NOP9: variants seen among roughly 807,000 people sequenced by gnomAD.
NOP9 encodes nucleolar protein 9.
In NOP9, 50 loss-of-function variants were observed where a neutral mutation model predicts 63.0. That is an observed-to-expected ratio of 0.79 (90% confidence interval 0.63 to 1.00). NOP9 has a LOEUF of 1.00. NOP9 is among the 50% of genes least tolerant of loss of function. NOP9 has a pLI of 0.00. For synonymous variants in NOP9, 343 were observed against 332.8 expected (o/e 1.03, Z -0.33); for missense variants, 758 against 803.0 (o/e 0.94, Z 0.68).
chr14:24,281,194 C>T, the NOP9 span, among the ~76,000 whole-genome samples: 1 of 152,194 alleles, frequency 6.6e-6, no homozygotes, highest in Non-Finnish European at 1.5e-5. Flanking sequence ...CTCTCTTAGG[C>T]CCCTGAGCGG....
At position 24,299,872 on chromosome 14, in the gene NOP9, T is replaced by G. The variant is rs1594615060; in HGVS notation, c.-83T>G. 3.4e-6 allele frequency: 5 copies of G among 1,460,522 alleles called. No homozygotes were observed. The East Asian group carries it at 7.1e-5, about 21-fold the overall frequency. The allele number at this position is 1,460,522 out of a possible 1,614,324, so 90.5% of individuals were successfully genotyped here. ...CGCGCCCGCGTTTCTAAACTTTGTC[T>G]GGATAAGGCGCACGCTTGGCGACGT... is the stretch of plus-strand genomic sequence containing the variant. On this transcript the variant is annotated 5_prime_UTR_variant, in exon 1 of 10. Coordinates refer to ENST00000267425, the MANE Select transcript of NOP9 (RefSeq NM_174913.3).
Position 24,299,902 on chromosome 14 carries a change from G to A in NOP9, c.-53G>A. 1.3e-6 allele frequency: 2 copies of A among 1,502,128 alleles called. No homozygotes were observed. The highest frequency in any genetic ancestry group is 2.7e-5 in the South Asian group (2 of 74,148). The allele number at this position is 1,502,128 out of a possible 1,614,324, so 93.0% of individuals were successfully genotyped here. A position where few individuals can be genotyped will look rare whatever the true frequency, so the allele number is the denominator to read the frequency against. ...AAGGCGCACGCTTGGCGACGTCGAAGGTCCGTCCGCAGTTAAGGAAGCTTT... is the reference window on the plus strand; with the variant it reads ...AAGGCGCACGCTTGGCGACGTCGAAAGTCCGTCCGCAGTTAAGGAAGCTTT... On this transcript the variant is annotated 5_prime_UTR_variant, in exon 1 of 10. Transcript: ENST00000267425.
chr14:24,289,105 T>C, the NOP9 span, among the ~76,000 whole-genome samples: 2 of 151,762 alleles, frequency 1.3e-5, no homozygotes, highest in African/African-American at 4.8e-5. Flanking sequence ...GCCTCCCGAG[T>C]AGCTAGGACT....
chr14:24,299,783 G>C, upstream of NOP9: 6 of 793,072 alleles, frequency 7.6e-6, no homozygotes, highest in Admixed American at 3.1e-5. Context: ...AGCGATCTGG[G>C]TGACACACCC....
At chr14:24,303,617 G>C in intron 6 of NOP9, 115 bp from the exon 7 acceptor site, 2 of 1,058,368 alleles carry the variant, frequency 1.9e-6, no homozygotes, top group Non-Finnish European at 2.9e-6. Context: ...TGCTTTCATG[G>C]AGCTAACATT....
chr14:24,306,659 A>G lies in NOP9; in HGVS notation c.*1564A>G, dbSNP rs1172233325. Reference sequence around the variant, plus strand: ...ACTTTCCGGCACTTTGATACCTCCTAAAGGTTGCAGCTCTCCGTGTTCTTC... The same window carrying G: ...ACTTTCCGGCACTTTGATACCTCCTGAAGGTTGCAGCTCTCCGTGTTCTTC... On this transcript the variant is annotated 3_prime_UTR_variant, in exon 10 of 10. Coordinates refer to ENST00000267425, the MANE Select transcript of NOP9 (RefSeq NM_174913.3). 15 of 1,065,202 alleles carry G rather than the reference A, an allele frequency of 1.4e-5. No individual in the cohort carries two copies. Among genetic ancestry groups the G allele is most frequent in the Non-Finnish European group, 1.4e-5 (10 of 724,706 alleles). The allele number at this position is 1,065,202 out of a possible 1,614,324, so 66.0% of individuals were successfully genotyped here.
intron 8 of NOP9, 57 bp from the exon 9 acceptor site, chr14:24,304,436 T>C: frequency 6.8e-7 from 1 of 1,478,154 alleles, no homozygotes; most frequent in Non-Finnish European, 9.2e-7. Context: ...TCCACAAGCC[T>C]CCAAAATACT....
At chr14:24,272,753 ACT>A in the NOP9 span, among the ~76,000 whole-genome samples, 4 of 152,102 alleles carry the variant, frequency 2.6e-5, no homozygotes, top group African/African-American at 4.8e-5. Context: ...CCTGCCAAAA[ACT>A]CTTCATGACA....
At chr14:24,283,595 C>A in the NOP9 span, among the ~76,000 whole-genome samples, 1 of 152,176 alleles carries the variant, frequency 6.6e-6, no homozygotes, top group African/African-American at 2.4e-5. Context: ...CAGAGTGAGA[C>A]CCTGCCTCAA....
At chr14:24,285,983 CAAAAA>C in the NOP9 span, among the ~76,000 whole-genome samples, 98 of 150,144 alleles carry the variant, frequency 6.5e-4, no homozygotes, top group East Asian at 0.013. Context: ...GATAAACTGT[CAAAAA>C]AAAAAAAAAA....
At chr14:24,278,319 T>G in the NOP9 span, among the ~76,000 whole-genome samples, 1 of 152,094 alleles carries the variant, frequency 6.6e-6, no homozygotes, top group African/African-American at 2.4e-5. Flanking sequence ...TGGTGAACTG[T>G]GGGGGTGCTG....
At chr14:24,293,967 C>A in the NOP9 span, 2 of 152,164 alleles carry the variant, frequency 1.3e-5, no homozygotes, top group Non-Finnish European at 2.9e-5. Context: ...CAATGTATTA[C>A]GAAAGGAACC....
chr14:24,305,845 C>A lies in NOP9; in HGVS notation c.*750C>A. 6.3e-7 allele frequency: 1 copy of A among 1,589,394 alleles called. No individual in the cohort carries two copies. Among genetic ancestry groups the A allele is most frequent in the Non-Finnish European group, 8.6e-7 (1 of 1,165,780 alleles). ...CATCAAGCTGGGAGATGAGGACTTT[C>A]CACAAGCAAGAGCTAACTAGGGGTA... On this transcript the variant is annotated 3_prime_UTR_variant, in exon 10 of 10. Transcript: ENST00000267425.
chr14:24,277,001 C>G, the NOP9 span, among the ~76,000 whole-genome samples: 1 of 152,188 alleles, frequency 6.6e-6, no homozygotes, highest in East Asian at 1.9e-4. Context: ...CAGGGATGAT[C>G]TGGCAGAACC....
Position 24,307,628 on chromosome 14 carries a change from C to A in NOP9, c.*2533C>A, listed in dbSNP as rs1388890604. On this transcript the variant is annotated 3_prime_UTR_variant, in exon 10 of 10. Coordinates refer to ENST00000267425, the MANE Select transcript of NOP9 (RefSeq NM_174913.3). ...TAGGGAGGGAGAGATCTAGGTTTATCGATTAGGGATGAGGGAGAGACCATG... is the reference window on the plus strand; with the variant it reads ...TAGGGAGGGAGAGATCTAGGTTTATAGATTAGGGATGAGGGAGAGACCATG... 3.1e-6 allele frequency: 4 copies of A among 1,303,320 alleles called. No individual in the cohort carries two copies. In the African/African-American group the frequency reaches 4.5e-5, roughly 15 times the overall value. The allele number at this position is 1,303,320 out of a possible 1,614,324, so 80.7% of individuals were successfully genotyped here.
In NOP9 at chr14:24,300,648, A is replaced by AGGAGGT. The variant is rs766471285; in HGVS notation, c.493_494insTGGAGG (p.Glu164_Glu165insValGlu). The AGGAGGT allele has an allele frequency of 6.3e-7, 1 of 1,598,786 alleles. No individual in the cohort carries two copies. The highest frequency in any genetic ancestry group is 8.6e-7 in the Non-Finnish European group (1 of 1,168,534). The stretch of plus-strand genomic sequence containing the variant: ...CGATTGCTGGGGAGTGCTGCAGAGG[A>AGGAGGT]GGAGGAGGAGGAGGAGGAGGATGGA... On this transcript the variant is annotated inframe_insertion, in exon 2 of 10. Coordinates refer to ENST00000267425, the MANE Select transcript of NOP9 (RefSeq NM_174913.3).
At chr14:24,299,794 A>ACCCC, upstream of NOP9, 1 of 925,168 alleles carries the variant, frequency 1.1e-6, no homozygotes, top group Non-Finnish European at 1.6e-6. Flanking sequence ...TGACACACCC[A>ACCCC]CCCCGCCCGG....
the NOP9 span, among the ~76,000 whole-genome samples, chr14:24,279,817 C>T: frequency 4.4e-3 from 671 of 152,268 alleles, 2 homozygotes; most frequent in Non-Finnish European, 7.5e-3. Flanking sequence ...CCATCACATT[C>T]GGTTTTGGGC....
At position 24,306,288 on chromosome 14, in the gene NOP9, C is replaced by G; in HGVS notation, c.*1193C>G. On this transcript the variant is annotated 3_prime_UTR_variant, in exon 10 of 10. Transcript: ENST00000267425. ...TCCACAACTCCTCCTGCACCTGGTC[C>G]CCAGGATCAGGGTTAAGCTAGAGAG... The G allele has an allele frequency of 6.4e-7, 1 of 1,571,392 alleles. No individual in the cohort carries two copies. Among genetic ancestry groups the G allele is most frequent in the South Asian group, 1.1e-5 (1 of 88,568 alleles).
Sources: gnomAD v4.1 joint callset for allele counts (sites outside exome capture counted in the v4.1 genomes callset) on GRCh38, gnomAD v4.1.1 for gene constraint, MANE v1.5 for transcripts, NCBI Gene and HGNC (gene_info 2026-07-23, HGNC 2026-07-21) for gene names.